Variants in CACNA2D1 observed in about 807,000 individuals in gnomAD.
CACNA2D1 encodes the protein voltage-dependent calcium channel subunit alpha-2/delta-1.
In CACNA2D1, 53 loss-of-function variants were observed where a neutral mutation model predicts 171.5. The ratio of observed to expected loss-of-function variants is 0.31; its 90% confidence interval spans 0.25 to 0.39. The LOEUF (loss-of-function observed/expected upper bound fraction) is 0.39, where lower values mean the gene tolerates loss of function less well. Ranked by LOEUF, CACNA2D1 falls within the 10% of genes least tolerant of loss-of-function variation. The pLI, the probability that CACNA2D1 is intolerant of heterozygous loss-of-function variation, is 1.00. For missense variants in CACNA2D1, 903 were observed against 1,299.8 expected, an observed-to-expected ratio of 0.69 and a Z score of 4.69; for synonymous variants, 442 against 443.1, an observed-to-expected ratio of 1.00 and a Z score of 0.03.
intron 28 of CACNA2D1, 152 bp downstream of exon 28, chr7:81,969,729 T>C (rs1212807205): frequency 1.6e-6 from 1 of 611,820 alleles, no homozygotes; most frequent in East Asian, 2.8e-5. Context: ...GTTTCTTTTC[T>C]ATTTTCCTAA....
chr7:81,972,608 G>C (rs1434778635), intron 25 of CACNA2D1, among the ~76,000 whole-genome samples: 2 of 151,766 alleles, frequency 1.3e-5, no homozygotes, highest in East Asian at 3.9e-4. Flanking sequence ...AAAGATAATT[G>C]AGGAAACAGG....
chr7:82,381,129 G>A (rs1427054909), intron 1 of CACNA2D1, among the ~76,000 whole-genome samples: 1 of 151,820 alleles, frequency 6.6e-6, no homozygotes, highest in Non-Finnish European at 1.5e-5. Flanking sequence ...TGCTTAACAC[G>A]GTGAAACCCC....
At chr7:82,430,721 T>C (rs1829603676) in intron 1 of CACNA2D1, among the ~76,000 whole-genome samples, 1 of 152,172 alleles carries the variant, frequency 6.6e-6, no homozygotes, top group Non-Finnish European at 1.5e-5. Context: ...CCTTTTTCAG[T>C]ACGCTCTTGG....
intron 10 of CACNA2D1, among the ~76,000 whole-genome samples, chr7:82,049,433 T>C (rs1804949261): frequency 6.6e-6 from 1 of 152,188 alleles, no homozygotes; most frequent in Non-Finnish European, 1.5e-5. Flanking sequence ...TTAAGAATTC[T>C]ATAATTACCA....
intron 12 of CACNA2D1, among the ~76,000 whole-genome samples, chr7:82,016,107 G>A (rs1199844316): frequency 1.3e-5 from 2 of 152,076 alleles, no homozygotes; most frequent in African/African-American, 4.8e-5. Context: ...CAATCAAAAT[G>A]CAATGGTTTC....
intron 12 of CACNA2D1, among the ~76,000 whole-genome samples, chr7:82,016,386 T>C (rs868186000): frequency 6.6e-6 from 1 of 152,152 alleles, no homozygotes; most frequent in Non-Finnish European, 1.5e-5. Flanking sequence ...AACGGAAGCA[T>C]GGCTTTGCCT....
chr7:82,307,825 A>G lies in CACNA2D1; in HGVS notation c.294+27310T>C, dbSNP rs77673401. Reference sequence around the variant, plus strand: ...GGTAGATACCTTCTGTTTAAATGCAAAGAGGGATAAAAAATATTCAAAAGC... The same window carrying G: ...GGTAGATACCTTCTGTTTAAATGCAGAGAGGGATAAAAAATATTCAAAAGC... On this transcript the variant is annotated intron_variant, in intron 3 of 38. Transcript: ENST00000356860. 4.6e-4 allele frequency among the ~76,000 whole-genome samples: 70 copies of G among 152,258 alleles called. No individual in the cohort carries two copies. The East Asian group carries it at 0.013, about 27-fold the overall frequency.
intron 3 of CACNA2D1, among the ~76,000 whole-genome samples, chr7:82,264,045 G>T (rs1169797297): frequency 6.6e-6 from 1 of 152,034 alleles, no homozygotes; most frequent in Non-Finnish European, 1.5e-5. Flanking sequence ...TTCTAAATTG[G>T]CAGATCTTTA....
Position 82,410,627 on chromosome 7 carries a change from C to T in CACNA2D1, c.95+32738G>A, listed in dbSNP as rs965059310. The T allele has an allele frequency of 2.2e-4, 109 of 495,998 alleles. No individual in the cohort carries two copies. The African/African-American group carries it at 2.2e-3, about 10-fold the overall frequency. 30.7% of individuals were successfully genotyped at this position (495,998 alleles called of 1,614,324 possible). A position where few individuals can be genotyped will look rare whatever the true frequency, so the allele number is the denominator to read the frequency against. On this transcript the variant is annotated intron_variant, in intron 1 of 38. Coordinates refer to ENST00000356860, the MANE Select transcript of CACNA2D1 (RefSeq NM_000722.4). Reference sequence around the variant, plus strand: ...GGGAGGCAGACTGCAAGAGAGAAGGCGAGTCTGACTGAGCAGGCGCGTAAG... The same window carrying T: ...GGGAGGCAGACTGCAAGAGAGAAGGTGAGTCTGACTGAGCAGGCGCGTAAG...
intron 25 of CACNA2D1, among the ~76,000 whole-genome samples, 192 bp from the exon 26 acceptor site, chr7:81,972,056 A>G (rs1466982742): frequency 6.6e-6 from 1 of 151,634 alleles, no homozygotes; most frequent in East Asian, 1.9e-4. Context: ...AAATGAATGG[A>G]TTTAGTAGTA....
chr7:82,005,905 T>A (rs143088765), intron 16 of CACNA2D1, 66 bp from the exon 17 acceptor site: 5 of 918,418 alleles, frequency 5.4e-6, no homozygotes, highest in Non-Finnish European at 9.2e-6. Context: ...ACAATTATCA[T>A]ATGATCATCT....
intron 21 of CACNA2D1, among the ~76,000 whole-genome samples, chr7:81,988,249 G>A (rs1001985300): frequency 3.9e-5 from 6 of 151,954 alleles, no homozygotes; most frequent in African/African-American, 1.5e-4. Flanking sequence ...CTCTCTTTTT[G>A]CACCTTTTGA....
intron 12 of CACNA2D1, among the ~76,000 whole-genome samples, chr7:82,022,493 T>C (rs1170423646): frequency 6.6e-6 from 1 of 151,914 alleles, no homozygotes. Flanking sequence ...AAGTTAAATG[T>C]CTTTCATTAT....
intron 12 of CACNA2D1, among the ~76,000 whole-genome samples, chr7:82,023,637 A>T (rs1040758767): frequency 1.3e-5 from 2 of 151,328 alleles, no homozygotes; most frequent in Non-Finnish European, 3.0e-5. Flanking sequence ...ATTTTTCTGT[A>T]TTTCTAAATT....
At chr7:81,965,157 A>G (rs1794589130) in intron 32 of CACNA2D1, among the ~76,000 whole-genome samples, 1 of 151,958 alleles carries the variant, frequency 6.6e-6, no homozygotes, top group Admixed American at 6.6e-5. Context: ...GAAGCCAGGA[A>G]TGCAGATTCA....
chr7:82,109,705 T>C (rs10232397), intron 6 of CACNA2D1, among the ~76,000 whole-genome samples: 2,402 of 152,278 alleles, frequency 0.016, 71 homozygotes, highest in African/African-American at 0.055. Flanking sequence ...GTGAGAAAAA[T>C]TGTTCTGTTT....
At chr7:82,044,662 C>T (rs1804342976) in intron 10 of CACNA2D1, among the ~76,000 whole-genome samples, 1 of 152,018 alleles carries the variant, frequency 6.6e-6, no homozygotes, top group Non-Finnish European at 1.5e-5. Flanking sequence ...ATTATGGTAT[C>T]AGACACTATC....
At chr7:82,309,014 T>A (rs1814083253) in intron 3 of CACNA2D1, among the ~76,000 whole-genome samples, 2 of 152,248 alleles carry the variant, frequency 1.3e-5, no homozygotes, top group Admixed American at 1.3e-4. Context: ...CAAGATTTGA[T>A]TCTGTGTCTC....
At chr7:82,103,471 T>G (rs1225340260) in intron 6 of CACNA2D1, among the ~76,000 whole-genome samples, 1 of 152,148 alleles carries the variant, frequency 6.6e-6, no homozygotes, top group Non-Finnish European at 1.5e-5. Flanking sequence ...TTATGGCATT[T>G]TTTTACATAG....
Sources: allele counts gnomAD v4.1 joint callset (sites outside exome capture counted in the v4.1 genomes callset), GRCh38; gene constraint gnomAD v4.1.1; transcripts MANE v1.5; gene names NCBI Gene and HGNC (gene_info 2026-07-23, HGNC 2026-07-21).